Variants in EXOC2 observed in about 807,000 individuals in gnomAD.
EXOC2 encodes the protein exocyst complex component 2.
In EXOC2, 70 loss-of-function variants were observed where a neutral mutation model predicts 131.8. That is an observed-to-expected ratio of 0.53 (90% confidence interval 0.44 to 0.65). EXOC2 has a LOEUF of 0.65. EXOC2 is among the 30% of genes least tolerant of loss of function. The probability of loss-of-function intolerance (pLI) is 0.00; values close to 1 mark genes in which losing one functional copy is unlikely to be tolerated. For missense variants in EXOC2, 923 were observed against 1,108.6 expected (o/e 0.83, Z 2.38); for synonymous variants, 411 against 398.4 (o/e 1.03, Z -0.38).
At chr6:488,867 T>A in intron 27 of EXOC2, 112 bp downstream of exon 27, 1 of 1,145,494 alleles carries the variant, frequency 8.7e-7, no homozygotes, top group South Asian at 1.6e-5. Context: ...TGATTCTTAT[T>A]TGGATTCTGC....
rs1262794381 is a variant in EXOC2 at position 556,563 on chromosome 6, G to A, written c.1853C>T (p.Pro618Leu). Residue 618 changes from proline (P) to leucine (L), a missense_variant and splice_region_variant, in exon 18 of 28, where the codon CCA (proline) becomes CTA (leucine). Transcript: ENST00000230449. Reference protein sequence around the residue: ...IVDNEGLTSLPCQFEQCIVCS... With the variant: ...IVDNEGLTSLLCQFEQCIVCS... ...CACGATGCACTGTTCAAACTGACAT[G>A]GCTGAAGGGAAAACAGCATATTGTA... 6.2e-6 allele frequency: 10 copies of A among 1,614,086 alleles called. No homozygotes were observed. Among genetic ancestry groups the A allele is most frequent in the Non-Finnish European group, 7.6e-6 (9 of 1,180,014 alleles).
intron 1 of EXOC2, among the ~76,000 whole-genome samples, chr6:671,622 A>C (rs763056099): frequency 5.3e-5 from 8 of 152,220 alleles, no homozygotes; most frequent in African/African-American, 9.6e-5. Flanking sequence ...TTTAATAGTT[A>C]AGGCAAATCT....
In EXOC2 at chr6:486,624, G is replaced by A; in HGVS notation, c.*47C>T. On this transcript the variant is annotated 3_prime_UTR_variant, in exon 28 of 28. Transcript: ENST00000230449. ...CTTTAGGGTACTTAGAGAGTGAACA[G>A]TCTTATTACGTGTTATTTTCCTGGA... 1 of 1,497,650 alleles carries A rather than the reference G, an allele frequency of 6.7e-7. No individual in the cohort carries two copies. The highest frequency in any genetic ancestry group is 9.3e-7 in the Non-Finnish European group (1 of 1,073,984). 92.8% of individuals were successfully genotyped at this position (1,497,650 alleles called of 1,614,324 possible). A position where few individuals can be genotyped will look rare whatever the true frequency, so the allele number is the denominator to read the frequency against.
chr6:497,406 C>T lies in EXOC2; in HGVS notation c.2520G>A (p.Met840Ile), dbSNP rs1763803455. ...EAVSEELSRLMQCVSSFSKNG... is the reference protein window; with the variant it reads ...EAVSEELSRLIQCVSSFSKNG... Reference sequence around the variant, plus strand: ...TTTTGCTGAAGGATGAAACACACTGCATCAGTCGACTGAGCTCTTCAGAAA... The same window carrying T: ...TTTTGCTGAAGGATGAAACACACTGTATCAGTCGACTGAGCTCTTCAGAAA... Residue 840 changes from methionine (M) to isoleucine (I), a missense_variant, in exon 25 of 28, where the codon ATG becomes ATA. Transcript: ENST00000230449. 2.5e-6 allele frequency: 4 copies of T among 1,614,036 alleles called. 1 individual carries two copies. In the South Asian group the frequency reaches 3.3e-5, roughly 13 times the overall value.
intron 1 of EXOC2, among the ~76,000 whole-genome samples, chr6:682,605 C>G (rs1268203267): frequency 6.6e-6 from 1 of 152,006 alleles, no homozygotes; most frequent in Non-Finnish European, 1.5e-5. Flanking sequence ...ATTTTCACTT[C>G]CTAGGTAAAA....
chr6:579,781 A>C (rs1150816), intron 11 of EXOC2, among the ~76,000 whole-genome samples: 144,967 of 152,022 alleles, frequency 0.95, 69,215 homozygotes, highest in East Asian at 1. Context: ...AAAACAAACA[A>C]CTTGATAATT....
At chr6:598,975 G>A in intron 8 of EXOC2, 34 bp from the exon 9 acceptor site, 1 of 1,574,560 alleles carries the variant, frequency 6.4e-7, no homozygotes, top group Non-Finnish European at 8.6e-7. Flanking sequence ...AAAACTGTCA[G>A]TAATGCAAAA....
chr6:671,890 C>T lies in EXOC2; in HGVS notation c.-44+21129G>A, dbSNP rs145097380. 2.0e-3 allele frequency among the ~76,000 whole-genome samples: 310 copies of T among 152,134 alleles called. 2 individuals are homozygous for T. Among genetic ancestry groups the T allele is most frequent in the African/African-American group, 7.3e-3 (305 of 41,540 alleles). On this transcript the variant is annotated intron_variant, in intron 1 of 27. Coordinates refer to ENST00000230449, the MANE Select transcript of EXOC2 (RefSeq NM_018303.6). ...TTTTCTACAGTTTGAATACAATATG[C>T]TAAGTGTAGATTTTTTATTTTTTAT...
intron 23 of EXOC2, among the ~76,000 whole-genome samples, chr6:512,077 C>T (rs1313234180): frequency 6.6e-6 from 1 of 152,248 alleles, no homozygotes; most frequent in African/African-American, 2.4e-5. Flanking sequence ...CATATACACA[C>T]ACAGTCTTCT....
chr6:541,469 G>A (rs534340277), intron 22 of EXOC2, among the ~76,000 whole-genome samples: 2 of 152,202 alleles, frequency 1.3e-5, no homozygotes, highest in African/African-American at 4.8e-5. Flanking sequence ...CACTACTAAA[G>A]TCAAAAGTTA....
At chr6:685,869 CTTT>C (rs58892194) in intron 1 of EXOC2, among the ~76,000 whole-genome samples, 8 of 98,264 alleles carry the variant, frequency 8.1e-5, no homozygotes, top group Admixed American at 2.2e-4. Flanking sequence ...TCCTGGACCT[CTTT>C]TTTTTTTTTT....
At chr6:530,121 G>C (rs914436640) in intron 23 of EXOC2, among the ~76,000 whole-genome samples, 3 of 152,150 alleles carry the variant, frequency 2.0e-5, no homozygotes, top group Admixed American at 6.5e-5. Flanking sequence ...TTCCCATTCA[G>C]CAAATATGAA....
intron 4 of EXOC2, among the ~76,000 whole-genome samples, chr6:628,821 C>T (rs1761707539): frequency 6.6e-6 from 1 of 152,166 alleles, no homozygotes; most frequent in African/African-American, 2.4e-5. Context: ...ATTTTCTAAA[C>T]CTTCTCAATC....
chr6:490,723 CCTGA>C (rs762967790), intron 26 of EXOC2, among the ~76,000 whole-genome samples: 2 of 152,278 alleles, frequency 1.3e-5, no homozygotes, highest in East Asian at 1.9e-4. Context: ...GGTAGGAAAT[CCTGA>C]CTTTCATTCA....
Position 549,177 on chromosome 6 carries a change from G to A in EXOC2, c.2236C>T (p.Gln746Ter). Residue 746 changes from glutamine (Q) to a stop codon, truncating the protein, a stop_gained and splice_region_variant, in exon 22 of 28, where the codon CAG becomes TAG. Transcript: ENST00000230449. LOFTEE classifies it high-confidence loss of function. ...GCGTTTTACATGAACTCGCTTACCT[G>A]TGTGATTTTTTCTATTCCCTGGAAG... The part of the protein sequence containing the change: ...HNFQGIEKIT[Q>*]VSMASLKELD... The A allele has an allele frequency of 1.2e-6, 2 of 1,612,490 alleles. No homozygotes were observed. The highest frequency in any genetic ancestry group is 1.7e-6 in the Non-Finnish European group (2 of 1,178,564).
chr6:677,587 G>C (rs2127790544), intron 1 of EXOC2, among the ~76,000 whole-genome samples: 1 of 152,100 alleles, frequency 6.6e-6, no homozygotes, highest in Non-Finnish European at 1.5e-5. Context: ...TCCTGCCTCA[G>C]CCTCCTGAGT....
At chr6:523,682 A>T (rs999303663) in intron 23 of EXOC2, among the ~76,000 whole-genome samples, 3 of 152,146 alleles carry the variant, frequency 2.0e-5, no homozygotes, top group Admixed American at 6.5e-5. Context: ...CAGTTCTTTT[A>T]AAAAAATTGT....
chr6:564,023 CA>C lies in EXOC2; in HGVS notation c.1789+9del, dbSNP rs1757833939. On this transcript the variant is annotated intron_variant, in intron 16 of 27. Transcript: ENST00000230449. ...TGCACAGTGAACGTCACCGATTTAT[CA>C]AAACACACCTTCCGCCGTGTGCTGC... is the stretch of plus-strand genomic sequence containing the variant. 5.6e-6 allele frequency: 9 copies of C among 1,612,398 alleles called. No homozygotes were observed. The highest frequency in any genetic ancestry group is 7.6e-6 in the Non-Finnish European group (9 of 1,179,440).
At chr6:559,986 C>T (rs1235737475) in intron 17 of EXOC2, among the ~76,000 whole-genome samples, 5 of 152,194 alleles carry the variant, frequency 3.3e-5, no homozygotes, top group African/African-American at 9.7e-5. Context: ...TGCTTCATCT[C>T]GGGCAAGTGA....
Sources: gnomAD v4.1 joint callset for allele counts (sites outside exome capture counted in the v4.1 genomes callset) on GRCh38, gnomAD v4.1.1 for gene constraint, MANE v1.5 for transcripts, NCBI Gene and HGNC (gene_info 2026-07-23, HGNC 2026-07-21) for gene names.